The following WDFY3 variants were observed in gnomAD, a reference collection of about 807,000 sequenced individuals.
The protein encoded by WDFY3 is WD repeat and FYVE domain containing 3, also known as WD repeat and FYVE domain-containing protein 3.
In WDFY3, 66 loss-of-function variants were observed where a neutral mutation model predicts 409.6. The observed-to-expected ratio is 0.16, with a 90% CI of 0.13 to 0.20. The LOEUF is 0.20. WDFY3 is among the 10% of genes least tolerant of loss of function. The pLI is 1.00. For missense variants in WDFY3, 3,031 were observed against 4,298.1 expected, an observed-to-expected ratio of 0.71 and a Z score of 8.24; for synonymous variants, 1,521 against 1,537.1, an observed-to-expected ratio of 0.99 and a Z score of 0.25.
chr4:84,933,557 C>T (rs1318432078), intron 1 of WDFY3, among the ~76,000 whole-genome samples: 4 of 151,884 alleles, frequency 2.6e-5, no homozygotes, highest in Non-Finnish European at 5.9e-5. Context: ...TCCAATTATA[C>T]TTATTTTTTA....
intron 44 of WDFY3, among the ~76,000 whole-genome samples, chr4:84,730,779 A>C (rs1736460606): frequency 6.6e-6 from 1 of 151,882 alleles, no homozygotes; most frequent in Non-Finnish European, 1.5e-5. Context: ...ATAGCTGATG[A>C]GTTTAAAAAA....
chr4:84,757,046 A>G lies in WDFY3; in HGVS notation c.5304T>C (p.Asn1768=). ...TGAGGAGAAAATAGAGGGCAGGGAC[A>G]TTAGTGTGTTTAGGAAGGAATGACT... ...VLQSFLPKHT[N]VPALYFLLMA... The change falls in exon 33 of 68, where the codon AAT becomes AAC. Residue 1768 remains asparagine, a synonymous_variant. Coordinates refer to ENST00000295888, the MANE Select transcript of WDFY3 (RefSeq NM_014991.6). The G allele has an allele frequency of 6.2e-7, 1 of 1,614,096 alleles. No homozygotes were observed. Among genetic ancestry groups the G allele is most frequent in the South Asian group, 1.1e-5 (1 of 91,086 alleles).
chr4:84,786,209 A>AG, intron 23 of WDFY3, 70 bp from the exon 24 acceptor site: 2 of 1,448,798 alleles, frequency 1.4e-6, no homozygotes, highest in Non-Finnish European at 1.8e-6. Context: ...TTTTATTCTT[A>AG]CTATCATTTT....
intron 3 of WDFY3, among the ~76,000 whole-genome samples, chr4:84,874,845 G>A (rs534516184): frequency 6.6e-6 from 1 of 152,128 alleles, no homozygotes; most frequent in African/African-American, 2.4e-5. Flanking sequence ...GCAAACATCA[G>A]AAAGTGCACA....
intron 1 of WDFY3, among the ~76,000 whole-genome samples, chr4:84,951,476 AATG>A (rs1419632249): frequency 3.9e-5 from 6 of 152,376 alleles, no homozygotes; most frequent in South Asian, 4.1e-4. Context: ...TGATCCTTTA[AATG>A]ATAACAGATG....
intron 55 of WDFY3, among the ~76,000 whole-genome samples, chr4:84,703,586 T>C (rs1037414098): frequency 5.9e-5 from 9 of 152,238 alleles, no homozygotes; most frequent in Non-Finnish European, 8.8e-5. Flanking sequence ...TCCTCGAACA[T>C]GCCAGGTACA....
At chr4:84,724,642 T>C (rs1354028838) in intron 45 of WDFY3, 48 bp from the exon 46 acceptor site, 1 of 1,582,630 alleles carries the variant, frequency 6.3e-7, no homozygotes, top group African/African-American at 1.4e-5. Flanking sequence ...CACCAAGAAT[T>C]AAAACGTAAT....
At chr4:84,809,534 T>C (rs1752120260) in intron 14 of WDFY3, 1 of 172,364 alleles carries the variant, frequency 5.8e-6, no homozygotes. Flanking sequence ...CATAATGATG[T>C]TCTATTGATA....
At chr4:84,938,419 T>G (rs1365954230) in intron 1 of WDFY3, among the ~76,000 whole-genome samples, 2 of 152,186 alleles carry the variant, frequency 1.3e-5, no homozygotes, top group Non-Finnish European at 2.9e-5. Flanking sequence ...ATTTGATAAA[T>G]TAACAAATAG....
At chr4:84,757,194 A>G in intron 32 of WDFY3, 33 bp from the exon 33 acceptor site, 4 of 1,584,256 alleles carry the variant, frequency 2.5e-6, no homozygotes, top group Non-Finnish European at 2.6e-6. Context: ...GTAAGTGCAA[A>G]ATCAGCAACT....
intron 2 of WDFY3, among the ~76,000 whole-genome samples, chr4:84,917,756 A>G (rs1377588166): frequency 2.0e-5 from 3 of 152,126 alleles, no homozygotes; most frequent in African/African-American, 7.2e-5. Context: ...AAAAACCACC[A>G]AAAGCAAAGT....
intron 2 of WDFY3, among the ~76,000 whole-genome samples, chr4:84,906,771 A>AT (rs574300152): frequency 0.07 from 9,621 of 136,944 alleles, 530 homozygotes; most frequent in African/African-American, 0.16. Context: ...ATATTTTGTG[A>AT]TTTTTTTTTT....
At chr4:84,699,590 T>C (rs985472823) in intron 56 of WDFY3, among the ~76,000 whole-genome samples, 2 of 152,182 alleles carry the variant, frequency 1.3e-5, no homozygotes, top group Admixed American at 1.3e-4. Flanking sequence ...TGCTGGGTCA[T>C]ATGGTAATTC....
At chr4:84,708,634 G>C (rs1732388076) in intron 53 of WDFY3, among the ~76,000 whole-genome samples, 1 of 151,612 alleles carries the variant, frequency 6.6e-6, no homozygotes, top group South Asian at 2.1e-4. Flanking sequence ...TCCACCTCCT[G>C]GGCTAAAGTA....
chr4:84,775,185 C>T (rs1745343118), intron 27 of WDFY3, 47 bp from the exon 28 acceptor site: 1 of 1,533,810 alleles, frequency 6.5e-7, no homozygotes, highest in East Asian at 2.3e-5. Flanking sequence ...AAAAAAATGC[C>T]CAAATGCCAA....
At chr4:84,841,974 A>G (rs996560795) in intron 5 of WDFY3, among the ~76,000 whole-genome samples, 1 of 152,196 alleles carries the variant, frequency 6.6e-6, no homozygotes, top group African/African-American at 2.4e-5. Context: ...TGAGTAGCTC[A>G]GAGTAGGAAG....
intron 37 of WDFY3, among the ~76,000 whole-genome samples, chr4:84,743,379 A>C (rs918553490): frequency 1.3e-5 from 2 of 152,224 alleles, no homozygotes; most frequent in African/African-American, 4.8e-5. Context: ...TACTCAACAG[A>C]TTATGTGTAA....
At position 84,966,344 on chromosome 4, in the gene WDFY3, CCGCGCCGCGGGCCGGGGGCCG is replaced by C. The variant is rs1775758707; in HGVS notation, c.-382_-362del. On this transcript the variant is annotated 5_prime_UTR_variant, in exon 1 of 68. Transcript: ENST00000295888. ...ACGTCCGCGGCGGGGCCCGGGAGCC[CCGCGCCGCGGGCCGGGGGCCG>C]GGGCCCGAGCTCGATTCTGCGGCCG... 1 of 149,316 alleles carries C rather than the reference CCGCGCCGCGGGCCGGGGGCCG, an allele frequency of 6.7e-6. No homozygotes were observed. The allele number at this position is 149,316 out of a possible 1,614,324, so 9.2% of individuals were successfully genotyped here.
chr4:84,882,359 C>T (rs1469571536), intron 3 of WDFY3, among the ~76,000 whole-genome samples: 1 of 152,132 alleles, frequency 6.6e-6, no homozygotes, highest in Non-Finnish European at 1.5e-5. Context: ...TAATCTGTTT[C>T]TTTATATTCA....
Sources: allele counts gnomAD v4.1 joint callset (sites outside exome capture counted in the v4.1 genomes callset), GRCh38; gene constraint gnomAD v4.1.1; transcripts MANE v1.5; gene names NCBI Gene and HGNC (gene_info 2026-07-23, HGNC 2026-07-21).